KDM3B: variants seen among roughly 807,000 people sequenced by gnomAD.
KDM3B encodes the protein lysine-specific demethylase 3B.
A neutral mutation model predicts 170.0 loss-of-function variants in KDM3B; 10 were observed. That is an observed-to-expected ratio of 0.06 (90% CI 0.04 to 0.10). The LOEUF is 0.10. Among genes scored for constraint, KDM3B ranks in the 10% least tolerant of loss-of-function variants. The pLI is 1.00. For synonymous variants in KDM3B, 831 were observed against 834.8 expected, an observed-to-expected ratio of 1.00 and a Z score of 0.08; for missense variants, 1,394 against 2,195.2, an observed-to-expected ratio of 0.64 and a Z score of 7.29.
At chr5:138,362,543 T>C (rs1001553904) in intron 1 of KDM3B, among the ~76,000 whole-genome samples, 2 of 100,572 alleles carry the variant, frequency 2.0e-5, no homozygotes, top group African/African-American at 7.5e-5. Flanking sequence ...TATATACATA[T>C]ATGTGTATAC....
chr5:138,375,753 T>G (rs12513428), intron 3 of KDM3B, among the ~76,000 whole-genome samples: 38,693 of 151,688 alleles, frequency 0.26, 5,583 homozygotes, highest in East Asian at 0.56. Context: ...CTTGGCTCAC[T>G]GAAACCTCTG....
chr5:138,377,878 T>TCAACA, intron 4 of KDM3B, 53 bp downstream of exon 4: 1 of 1,322,578 alleles, frequency 7.6e-7, no homozygotes, highest in Non-Finnish European at 1.1e-6. Flanking sequence ...GAATGATCAC[T>TCAACA]GTTGAGTGAT....
intron 17 of KDM3B, chr5:138,425,866 T>C (rs3815212): frequency 0.29 from 69,084 of 242,340 alleles, 11,027 homozygotes; most frequent in East Asian, 0.56. Context: ...ATTAGCTGGG[T>C]ATGGTGGTGT....
rs1374333552 is a variant in KDM3B at position 138,412,349 on chromosome 5, CAT to C, written c.3200-2782_3200-2781del. Among the ~76,000 whole-genome samples the C allele has an allele frequency of 2.0e-5, 3 of 147,602 alleles. No individual in the cohort carries two copies. The East Asian group carries it at 6.2e-4, about 31-fold the overall frequency. ...AGACCCCGTCTCCAAAAAAAAAAGA[CAT>C]GTTTAAGAAAATGAAAATAGCCCAG... On this transcript the variant is annotated intron_variant, in intron 11 of 23. Coordinates refer to ENST00000314358, the MANE Select transcript of KDM3B (RefSeq NM_016604.4).
At chr5:138,387,517 A>G (rs1762300107) in intron 7 of KDM3B, among the ~76,000 whole-genome samples, 1 of 152,232 alleles carries the variant, frequency 6.6e-6, no homozygotes, top group Non-Finnish European at 1.5e-5. Context: ...CACATCCTAA[A>G]ACGGAATCAT....
chr5:138,434,285 C>T (rs540308827), intron 23 of KDM3B, among the ~76,000 whole-genome samples: 4 of 152,154 alleles, frequency 2.6e-5, no homozygotes, highest in African/African-American at 7.2e-5. Flanking sequence ...CGCGGTGGCT[C>T]ACGCCTGTAA....
In KDM3B at chr5:138,398,265, T is replaced by C. The variant is rs1472803994; in HGVS notation, c.2919T>C (p.Ile973=). The change falls in exon 10 of 24, where the codon ATT becomes ATC. Residue 973 remains isoleucine (I), a synonymous_variant. Transcript: ENST00000314358. ...QSDPDAMNLW[I]PSSSLAEGID... ...ACCCTGATGCCATGAACCTGTGGAT[T>C]CCCTCTTCCTCCCTAGCAGAAGGGA... 1.2e-6 allele frequency: 2 copies of C among 1,613,988 alleles called. No individual in the cohort carries two copies. Among genetic ancestry groups the C allele is most frequent in the African/African-American group, 2.7e-5 (2 of 74,886 alleles).
Position 138,365,901 on chromosome 5 carries a change from C to T in KDM3B, c.193-6773C>T, listed in dbSNP as rs202020299. 1.9e-4 allele frequency among the ~76,000 whole-genome samples: 29 copies of T among 152,112 alleles called. No individual in the cohort carries two copies. In the East Asian group the frequency reaches 5.1e-3, roughly 27 times the overall value. On this transcript the variant is annotated intron_variant, in intron 1 of 23. Coordinates refer to ENST00000314358, the MANE Select transcript of KDM3B (RefSeq NM_016604.4). ...ATAATCCCAGCTACTCGAGAGGCTGCGGCACAGAATCGTTTGAACCCGGGA... is the reference window on the plus strand; with the variant it reads ...ATAATCCCAGCTACTCGAGAGGCTGTGGCACAGAATCGTTTGAACCCGGGA...
intron 1 of KDM3B, among the ~76,000 whole-genome samples, chr5:138,360,572 C>CT (rs61340392): frequency 9.8e-6 from 1 of 102,006 alleles, no homozygotes; most frequent in African/African-American, 3.7e-5. Flanking sequence ...AGTTCTATTT[C>CT]TTTTTTTTTT....
chr5:138,394,372 TAAAAGA>T (rs1375845317), intron 9 of KDM3B, among the ~76,000 whole-genome samples: 3 of 151,918 alleles, frequency 2.0e-5, no homozygotes, highest in African/African-American at 7.3e-5. Context: ...AGGCTCTCTC[TAAAAGA>T]AAAAGAAAAA....
chr5:138,373,755 G>A (rs1299601847), intron 2 of KDM3B, among the ~76,000 whole-genome samples: 1 of 152,088 alleles, frequency 6.6e-6, no homozygotes, highest in African/African-American at 2.4e-5. Flanking sequence ...AAAGTGCTGG[G>A]ATTATAGGCA....
In KDM3B at chr5:138,352,886, G is replaced by A; in HGVS notation, c.91G>A (p.Ala31Thr). The change falls in exon 1 of 24, where the codon GCG becomes ACG. Residue 31 changes from alanine to threonine, a missense_variant. Ala to Thr is a moderately conservative substitution (Grantham distance 58, BLOSUM62 0). Coordinates refer to ENST00000314358, the MANE Select transcript of KDM3B (RefSeq NM_016604.4). ...AASASASAPA[A>T]AAASGDPGPA... is the part of the protein sequence containing the mutation. ...CTCAGCCTCGGCCTCGGCTCCCGCG[G>A]CGGCAGCGGCGAGCGGAGATCCGGG... The A allele has an allele frequency of 7.3e-7, 1 of 1,376,346 alleles. No individual in the cohort carries two copies. The highest frequency in any genetic ancestry group is 9.4e-7 in the Non-Finnish European group (1 of 1,062,352). 85.3% of individuals were successfully genotyped at this position (1,376,346 alleles called of 1,614,324 possible). A position where few individuals can be genotyped will look rare whatever the true frequency, so the allele number is the denominator to read the frequency against.
intron 20 of KDM3B, 76 bp downstream of exon 20, chr5:138,428,162 A>G: frequency 7.5e-7 from 1 of 1,325,544 alleles, no homozygotes; most frequent in Non-Finnish European, 1.0e-6. Context: ...TTTCATCCTT[A>G]GGGCCAGTGG....
chr5:138,383,264 G>A (rs1762170726), intron 6 of KDM3B, among the ~76,000 whole-genome samples: 1 of 151,848 alleles, frequency 6.6e-6, no homozygotes, highest in African/African-American at 2.4e-5. Context: ...TCAGCCTCCT[G>A]AGTAGCTGGG....
At chr5:138,369,245 C>T (rs1225003718) in intron 1 of KDM3B, among the ~76,000 whole-genome samples, 1 of 152,278 alleles carries the variant, frequency 6.6e-6, no homozygotes, top group African/African-American at 2.4e-5. Context: ...GTCTGTCCTC[C>T]AGCCGTTGTA....
At chr5:138,395,576 G>A (rs1358377056) in intron 9 of KDM3B, among the ~76,000 whole-genome samples, 1 of 152,094 alleles carries the variant, frequency 6.6e-6, no homozygotes, top group African/African-American at 2.4e-5. Context: ...CACCCTGAAC[G>A]ATGTAGTGAG....
At chr5:138,397,964 C>T (rs1373414025) in intron 9 of KDM3B, 11 of 440,436 alleles carry the variant, frequency 2.5e-5, no homozygotes, top group Non-Finnish European at 4.4e-5. Flanking sequence ...CTAAGAGGAA[C>T]TCTGGGACAG....
At chr5:138,390,208 G>A (rs958043076) in intron 7 of KDM3B, among the ~76,000 whole-genome samples, 12 of 152,112 alleles carry the variant, frequency 7.9e-5, no homozygotes, top group Admixed American at 5.9e-4. Context: ...CATTTTGAAG[G>A]TAAAAGAAGG....
chr5:138,398,180 T>G lies in KDM3B; in HGVS notation c.2834T>G (p.Leu945Trp). ...VACRFFHFRR[L>W]IFTRKGVLRV... ...CCATGTATTTGATCATGTCTCAGGT[T>G]GATCTTCACTCGAAAAGGGGTACTC... The change falls in exon 10 of 24, where the codon TTG (leucine) becomes TGG (tryptophan). Residue 945 changes from leucine (L) to tryptophan (W), a missense_variant and splice_region_variant. Physicochemically the swap from Leu to Trp is moderately conservative, Grantham distance 61. Around this residue, in one of 19 missense-constraint regions of KDM3B, gnomAD observed 76 missense variants for 190.2 expected, o/e 0.40. Transcript: ENST00000314358. The G allele has an allele frequency of 6.2e-7, 1 of 1,610,300 alleles. No individual in the cohort carries two copies. The highest frequency in any genetic ancestry group is 8.5e-7 in the Non-Finnish European group (1 of 1,177,390).
Sources: allele counts gnomAD v4.1 joint callset (sites outside exome capture counted in the v4.1 genomes callset), GRCh38; gene constraint gnomAD v4.1.1; regional missense constraint gnomAD v4.1.1; transcripts MANE v1.5; gene names NCBI Gene and HGNC (gene_info 2026-07-23, HGNC 2026-07-21).